Variants in ANPEP observed in about 807,000 individuals in gnomAD.
The protein encoded by ANPEP is aminopeptidase N.
In ANPEP, 70 loss-of-function variants were observed where a neutral mutation model predicts 114.6. The observed-to-expected ratio is 0.61, with a 90% CI of 0.50 to 0.75. ANPEP has a LOEUF of 0.75. ANPEP is among the 30% of genes least tolerant of loss of function. The pLI is 0.00. For synonymous variants in ANPEP, 548 were observed against 522.3 expected, an observed-to-expected ratio of 1.05 and a Z score of -0.67; for missense variants, 1,184 against 1,259.5, an observed-to-expected ratio of 0.94 and a Z score of 0.91.
At chr15:89,793,978 C>T (rs890750925) in intron 15 of ANPEP, among the ~76,000 whole-genome samples, 1 of 152,088 alleles carries the variant, frequency 6.6e-6, no homozygotes, top group African/African-American at 2.4e-5. Context: ...ATTTCTGTGC[C>T]CACCTGGATC....
Position 89,799,891 on chromosome 15 carries a change from C to G in ANPEP, c.1820-332G>C, listed in dbSNP as rs1894552207. 6.6e-6 allele frequency among the ~76,000 whole-genome samples: 1 copy of G among 152,222 alleles called. No individual in the cohort carries two copies. The highest frequency in any genetic ancestry group is 1.5e-5 in the Non-Finnish European group (1 of 68,034). On this transcript the variant is annotated intron_variant, in intron 12 of 20. Coordinates refer to ENST00000300060, the MANE Select transcript of ANPEP (RefSeq NM_001150.3). This position sits in a 1 kb window ranked among gnomAD's most constrained non-coding sequence, Gnocchi z 4.2. ...CTCCTCCACACTCCATCACACCTGTCACCCAAGTGGGAACCACAGGCAGCT... is the reference window on the plus strand; with the variant it reads ...CTCCTCCACACTCCATCACACCTGTGACCCAAGTGGGAACCACAGGCAGCT...
intron 12 of ANPEP, among the ~76,000 whole-genome samples, chr15:89,800,094 T>C (rs1894556683): frequency 1.3e-5 from 2 of 152,090 alleles, no homozygotes; most frequent in Non-Finnish European, 2.9e-5. Flanking sequence ...CCATCCACTG[T>C]CTCCTGCAGC....
In ANPEP at chr15:89,792,507, C is replaced by G. The variant is rs757221706; in HGVS notation, c.2305G>C (p.Glu769Gln). 6 of 1,614,074 alleles carry G rather than the reference C, an allele frequency of 3.7e-6. No individual in the cohort carries two copies. The Admixed American group carries it at 6.7e-5, about 18-fold the overall frequency. ...TACSNGVPEC[E>Q]EMVSGLFKQW... ...TTGAAAAGGCCAGAGACCATCTCCT[C>G]ACACTCTGGAACTCCGTTGGAGCAG... Residue 769 changes from glutamate (E) to glutamine (Q), a missense_variant, in exon 17 of 21, where the codon GAG (glutamate) becomes CAG (glutamine). Physicochemically the swap from Glu to Gln is conservative, Grantham distance 29. Transcript: ENST00000300060.
intron 1 of ANPEP, among the ~76,000 whole-genome samples, chr15:89,808,150 C>A (rs569166699): frequency 6.6e-6 from 1 of 152,202 alleles, no homozygotes; most frequent in Non-Finnish European, 1.5e-5. Flanking sequence ...GGCCTCTTCC[C>A]CCCTGTTGCA....
chr15:89,810,255 C>T (rs987522835), intron 1 of ANPEP, among the ~76,000 whole-genome samples: 8 of 151,906 alleles, frequency 5.3e-5, no homozygotes, highest in African/African-American at 9.7e-5. Context: ...AGCAGGTGCC[C>T]GTAATCCCAG....
Position 89,806,479 on chromosome 15 carries a change from C to T in ANPEP, c.105G>A (p.Gln35=), listed in dbSNP as rs143450900. ...AGCTGTTGGCGTTCTTGTTCTTCTC[C>T]TGGGAGTACACCACTGACAGTGCGA... is the stretch of plus-strand genomic sequence containing the variant. ...TIIALSVVYS[Q]EKNKNANSSP... Residue 35 remains glutamine, a synonymous_variant, in exon 2 of 21, where the codon CAG becomes CAA. Transcript: ENST00000300060. The surrounding 1 kb of genome is among the most constrained non-coding windows in gnomAD (Gnocchi z 5.7). 1.3e-3 allele frequency: 2,080 copies of T among 1,613,944 alleles called. 3 individuals carry two copies. Among genetic ancestry groups the T allele is most frequent in the Non-Finnish European group, 1.6e-3 (1,923 of 1,179,968 alleles).
At chr15:89,809,201 C>G (rs935774762) in intron 1 of ANPEP, among the ~76,000 whole-genome samples, 5 of 152,210 alleles carry the variant, frequency 3.3e-5, no homozygotes, top group African/African-American at 1.2e-4. Flanking sequence ...CAAGGGAGCC[C>G]ATCTTTACAG....
intron 2 of ANPEP, 28 bp from the exon 3 acceptor site, chr15:89,805,491 T>G: frequency 6.2e-7 from 1 of 1,612,314 alleles, no homozygotes; most frequent in South Asian, 1.1e-5. Flanking sequence ...TTAGAGGGTG[T>G]GCCAGAGCTG....
At chr15:89,813,134 G>C (rs1243078676) in intron 1 of ANPEP, among the ~76,000 whole-genome samples, 1 of 152,112 alleles carries the variant, frequency 6.6e-6, no homozygotes, top group Middle Eastern at 3.2e-3. Context: ...GACACCCCAG[G>C]GCCTCGGTGT....
chr15:89,795,614 A>C (rs991529289), intron 15 of ANPEP, among the ~76,000 whole-genome samples: 3 of 152,210 alleles, frequency 2.0e-5, no homozygotes, highest in African/African-American at 7.2e-5. Flanking sequence ...CAAGCCTGAC[A>C]TCAGTGGAGC....
rs765983960 is a variant in ANPEP, at chr15:89,804,023, T to C, written c.1180-21A>G. On this transcript the variant is annotated intron_variant, in intron 6 of 20. Transcript: ENST00000300060. Reference sequence around the variant, plus strand: ...AACCACTGTGGGGGGAGGGGTCAGCTGGGCAAGCCACGCCCAGGCTGGGCA... The same window carrying C: ...AACCACTGTGGGGGGAGGGGTCAGCCGGGCAAGCCACGCCCAGGCTGGGCA... 7 of 1,610,060 alleles carry C rather than the reference T, an allele frequency of 4.3e-6. No individual in the cohort carries two copies. In the African/African-American group the frequency reaches 8.0e-5, roughly 18 times the overall value.
In ANPEP at chr15:89,797,693, A is replaced by T; in HGVS notation, c.2039T>A (p.Leu680Gln). 6.2e-7 allele frequency: 1 copy of T among 1,614,128 alleles called. No individual in the cohort carries two copies. The highest frequency in any genetic ancestry group is 8.5e-7 in the Non-Finnish European group (1 of 1,180,022). ...TTCAATCAGGAAGAGGGTGTTGTTC[A>T]GCGCCAGAGTGACAGGGACCTTATG... is the stretch of plus-strand genomic sequence containing the variant. Reference protein sequence around the residue: ...SAHKVPVTLALNNTLFLIEER... With the variant: ...SAHKVPVTLAQNNTLFLIEER... The change falls in exon 15 of 21, where the codon CTG (leucine) becomes CAG (glutamine). Residue 680 changes from leucine to glutamine, a missense_variant. Coordinates refer to ENST00000300060, the MANE Select transcript of ANPEP (RefSeq NM_001150.3).
At chr15:89,789,376 C>A (rs1311262693) in intron 20 of ANPEP, among the ~76,000 whole-genome samples, 1 of 152,120 alleles carries the variant, frequency 6.6e-6, no homozygotes, top group Non-Finnish European at 1.5e-5. Context: ...GTAAAAAGAC[C>A]TTTTATAAAC....
At chr15:89,797,810 T>C (rs1968759398) in intron 14 of ANPEP, 88 bp from the exon 15 acceptor site, 7 of 1,561,862 alleles carry the variant, frequency 4.5e-6, no homozygotes, top group Non-Finnish European at 3.5e-6. Flanking sequence ...TCAAAGATGC[T>C]CCACACCCCT....
intron 4 of ANPEP, 108 bp downstream of exon 4, chr15:89,804,970 C>T: frequency 6.6e-7 from 1 of 1,505,432 alleles, no homozygotes; most frequent in East Asian, 2.3e-5. Flanking sequence ...AGGTGGGATT[C>T]CAACCCTGGC....
intron 19 of ANPEP, 115 bp from the exon 20 acceptor site, chr15:89,790,656 G>C: frequency 1.0e-6 from 1 of 965,082 alleles, no homozygotes; most frequent in Non-Finnish European, 1.6e-6. Context: ...ACACGCCCTG[G>C]GAGACCCCAC....
intron 1 of ANPEP, among the ~76,000 whole-genome samples, chr15:89,811,756 T>C (rs748383391): frequency 1.3e-5 from 2 of 152,038 alleles, no homozygotes; most frequent in African/African-American, 2.4e-5. Flanking sequence ...CCACCCTGTA[T>C]GATGTTGGGG....
Position 89,803,111 on chromosome 15 carries a change from C to G in ANPEP, c.1569+128G>C, listed in dbSNP as rs924188661. On this transcript the variant is annotated intron_variant, in intron 10 of 20. Transcript: ENST00000300060. The surrounding 1 kb of genome is among the most constrained non-coding windows in gnomAD (Gnocchi z 4.2). ...ACTATAGGGAGGAGCAACAGAGGCT[C>G]CATCCACCCTGCAGGGCTGGTCAGC... 1 of 1,042,426 alleles carries G rather than the reference C, an allele frequency of 9.6e-7. No homozygotes were observed. Among genetic ancestry groups the G allele is most frequent in the South Asian group, 1.4e-5 (1 of 72,984 alleles). The allele number at this position is 1,042,426 out of a possible 1,614,324, so 64.6% of individuals were successfully genotyped here. A position where few individuals can be genotyped will look rare whatever the true frequency, so the allele number is the denominator to read the frequency against.
chr15:89,805,244 G>A (rs1219320425), intron 3 of ANPEP, 27 bp from the exon 4 acceptor site: 2 of 1,613,886 alleles, frequency 1.2e-6, no homozygotes, highest in East Asian at 2.2e-5. Flanking sequence ...TGTGTGTGAG[G>A]ACGTACCCTC....
Sources: gnomAD v4.1 joint callset for allele counts (sites outside exome capture counted in the v4.1 genomes callset) on GRCh38, gnomAD v4.1.1 for gene constraint, Gnocchi (gnomAD v3.1) non-coding constraint, MANE v1.5 for transcripts, NCBI Gene and HGNC (gene_info 2026-07-23, HGNC 2026-07-21) for gene names.